GSE1: variants seen among roughly 807,000 people sequenced by gnomAD.
GSE1 encodes genetic suppressor element 1.
A neutral mutation model predicts 112.6 loss-of-function variants in GSE1; 32 were observed. The ratio of observed to expected loss-of-function variants is 0.28; its 90% CI spans 0.21 to 0.38. The LOEUF is 0.38. GSE1 is among the 10% of genes least tolerant of loss of function. The pLI is 1.00. For missense variants in GSE1, 2,348 were observed against 1,699.2 expected (o/e 1.38, Z -6.71); for synonymous variants, 1,115 against 735.6 (o/e 1.52, Z -8.35).
At chr16:85,209,057 G>A (rs1050637030) in intron 1 of GSE1, among the ~76,000 whole-genome samples, 8 of 151,234 alleles carry the variant, frequency 5.3e-5, no homozygotes, top group African/African-American at 1.9e-4. Context: ...ACTTGTTGGG[G>A]TTCACCTGTG....
chr16:85,210,358 C>T (rs1393605967), intron 1 of GSE1, among the ~76,000 whole-genome samples: 1 of 152,218 alleles, frequency 6.6e-6, no homozygotes, highest in African/African-American at 2.4e-5. Context: ...GTTCCCAGCA[C>T]TTCAGGAGGC....
At chr16:85,241,988 G>A (rs1167595668) in intron 1 of GSE1, among the ~76,000 whole-genome samples, 2 of 152,018 alleles carry the variant, frequency 1.3e-5, no homozygotes, top group African/African-American at 4.8e-5. Flanking sequence ...CTGCACCTGG[G>A]GTCAGCCAGG....
rs368441334 is a variant in GSE1 at position 85,649,685 on chromosome 16, C to T, written c.426+934C>T. On this transcript the variant is annotated intron_variant, in intron 3 of 15. Coordinates refer to ENST00000253458, the MANE Select transcript of GSE1 (RefSeq NM_014615.5). ...GGAGTGGGCCCTTCCTAATTAAGAG[C>T]GATTCTCAGGGGCTGCTGTCACCTG... 3.9e-5 allele frequency among the ~76,000 whole-genome samples: 6 copies of T among 152,294 alleles called. No individual in the cohort carries two copies. The East Asian group carries it at 7.7e-4, about 20-fold the overall frequency.
intron 1 of GSE1, among the ~76,000 whole-genome samples, chr16:85,251,448 G>A (rs748726312): frequency 8.5e-5 from 13 of 152,260 alleles, no homozygotes; most frequent in South Asian, 8.3e-4. Flanking sequence ...GCACAGTCCT[G>A]TTCTCTGTTT....
intron 2 of GSE1, among the ~76,000 whole-genome samples, chr16:85,438,844 G>A (rs928363176): frequency 1.1e-4 from 17 of 152,188 alleles, no homozygotes; most frequent in African/African-American, 4.1e-4. Context: ...AGGTCTGTGG[G>A]CACTGTCTGT....
At chr16:85,210,885 C>G (rs1196418590) in intron 1 of GSE1, among the ~76,000 whole-genome samples, 2 of 152,196 alleles carry the variant, frequency 1.3e-5, no homozygotes, top group African/African-American at 2.4e-5. Flanking sequence ...TTCTTCTGGC[C>G]AAGACCCAAG....
chr16:85,337,988 T>C (rs901274543), intron 1 of GSE1, among the ~76,000 whole-genome samples: 4 of 152,154 alleles, frequency 2.6e-5, no homozygotes, highest in Admixed American at 1.3e-4. Flanking sequence ...GCTTTGAGGG[T>C]GCTGGGAACA....
intron 1 of GSE1, among the ~76,000 whole-genome samples, chr16:85,332,021 A>T (rs2046385910): frequency 6.6e-6 from 1 of 152,052 alleles, no homozygotes; most frequent in Non-Finnish European, 1.5e-5. Flanking sequence ...TTCCTGCCTC[A>T]AAGTAGAGGC....
intron 1 of GSE1, among the ~76,000 whole-genome samples, chr16:85,565,456 G>A (rs540285480): frequency 1.3e-5 from 2 of 151,738 alleles, no homozygotes; most frequent in South Asian, 4.2e-4. Flanking sequence ...TGTTTAACAC[G>A]TGTAGAGGGA....
intron 1 of GSE1, among the ~76,000 whole-genome samples, chr16:85,191,427 A>G (rs2143446310): frequency 6.6e-6 from 1 of 152,238 alleles, no homozygotes; most frequent in South Asian, 2.1e-4. Context: ...CCTGAAAGAA[A>G]CCCCATTCTG....
In GSE1 at chr16:85,372,746, C is replaced by T. The variant is rs149167467; in HGVS notation, c.2464+15103C>T. Among the ~76,000 whole-genome samples the T allele has an allele frequency of 7.2e-5, 11 of 152,238 alleles. No homozygotes were observed. In the East Asian group the frequency reaches 1.9e-3, roughly 27 times the overall value. The stretch of plus-strand genomic sequence containing the variant: ...TCTGTACTGTAATGAGGATCCTAGC[C>T]GCCAGGATTTAGTGAGCACTTACTG... On this transcript the variant is annotated intron_variant, in intron 2 of 2. Coordinates refer to the GSE1 transcript ENST00000637419.
upstream of GSE1, among the ~76,000 whole-genome samples, chr16:85,612,889 C>A (rs1325523406): frequency 6.6e-6 from 1 of 151,874 alleles, no homozygotes; most frequent in Non-Finnish European, 1.5e-5. Context: ...GACAGGGCTC[C>A]GCTCACGTGG....
intron 14 of GSE1, 35 bp from the exon 15 acceptor site, chr16:85,670,960 T>C (rs2152021168): frequency 7.5e-7 from 1 of 1,338,460 alleles, no homozygotes; most frequent in Non-Finnish European, 1.1e-6. Flanking sequence ...GGCTCCTGCA[T>C]ACGGAAAATA....
chr16:85,625,437 GC>G (rs1460064952), intron 1 of GSE1, among the ~76,000 whole-genome samples: 2 of 152,170 alleles, frequency 1.3e-5, no homozygotes, highest in African/African-American at 2.4e-5. Context: ...TCTGTGCAGA[GC>G]CCCCCTGCTG....
intron 2 of GSE1, among the ~76,000 whole-genome samples, chr16:85,371,419 C>T (rs919040194): frequency 1.3e-5 from 2 of 152,180 alleles, no homozygotes; most frequent in African/African-American, 4.8e-5. Flanking sequence ...TGAGGGTGTG[C>T]GTCCTGGCTG....
chr16:85,329,405 G>A (rs113875723), intron 1 of GSE1, among the ~76,000 whole-genome samples: 107 of 152,230 alleles, frequency 7.0e-4, no homozygotes, highest in Non-Finnish European at 1.4e-3. Context: ...CTTCGGCTAA[G>A]CCTGGAACAG....
At chr16:85,355,737 G>T (rs1355174779) in intron 1 of GSE1, among the ~76,000 whole-genome samples, 3 of 152,202 alleles carry the variant, frequency 2.0e-5, no homozygotes, top group East Asian at 3.9e-4. Context: ...TTACAGAAAA[G>T]TGGCCAGGTG....
chr16:85,179,291 C>T (rs998506954), intron 1 of GSE1, among the ~76,000 whole-genome samples: 2 of 152,198 alleles, frequency 1.3e-5, no homozygotes, highest in African/African-American at 4.8e-5. Context: ...TTTCACGCAG[C>T]ACCATGTTTT....
intron 1 of GSE1, among the ~76,000 whole-genome samples, chr16:85,560,234 C>T (rs1332731798): frequency 1.4e-5 from 2 of 147,980 alleles, no homozygotes; most frequent in African/African-American, 2.5e-5. Flanking sequence ...CTCCCGGGTT[C>T]AAGCGATTGT....
Sources: gnomAD v4.1 joint callset for allele counts (sites outside exome capture counted in the v4.1 genomes callset) on GRCh38, gnomAD v4.1.1 for gene constraint, MANE v1.5 for transcripts, NCBI Gene and HGNC (gene_info 2026-07-23, HGNC 2026-07-21) for gene names.